Variants in PPP4R3B observed in about 807,000 individuals in gnomAD.
PPP4R3B encodes the protein serine/threonine-protein phosphatase 4 regulatory subunit 3B.
A neutral mutation model predicts 95.4 loss-of-function variants in PPP4R3B; 52 were observed. The ratio of observed to expected loss-of-function variants is 0.54; its 90% confidence interval spans 0.44 to 0.69. The LOEUF is 0.69. Among genes scored for constraint, PPP4R3B ranks in the 30% least tolerant of loss-of-function variants. The pLI, the probability that PPP4R3B is intolerant of heterozygous loss-of-function variation, is 0.00. For synonymous variants in PPP4R3B, 407 were observed against 343.9 expected (o/e 1.18, Z -2.03); for missense variants, 1,003 against 1,005.9 (o/e 1.00, Z 0.04).
At chr2:55,607,857 A>G (rs1693635683) in intron 2 of PPP4R3B, among the ~76,000 whole-genome samples, 1 of 152,236 alleles carries the variant, frequency 6.6e-6, no homozygotes, top group Non-Finnish European at 1.5e-5. Context: ...TAACAGAATG[A>G]AATCCAAAAC....
At chr2:55,585,445 T>A (rs1690012576) in intron 6 of PPP4R3B, among the ~76,000 whole-genome samples, 1 of 152,184 alleles carries the variant, frequency 6.6e-6, no homozygotes, top group South Asian at 2.1e-4. Context: ...TATAAGGCAA[T>A]ACCTTACAAA....
intron 16 of PPP4R3B, among the ~76,000 whole-genome samples, chr2:55,552,323 A>T (rs1428140246): frequency 1.9e-5 from 1 of 52,720 alleles, no homozygotes; most frequent in Admixed American, 2.8e-4. Flanking sequence ...AATCATGTTC[A>T]TATAAAAAAA....
intron 4 of PPP4R3B, among the ~76,000 whole-genome samples, chr2:55,595,191 T>A (rs1162605610): frequency 1.3e-5 from 2 of 151,970 alleles, no homozygotes; most frequent in African/African-American, 4.8e-5. Flanking sequence ...GCCTGGCTAA[T>A]TTTTGTATTT....
chr2:55,613,303 C>T (rs1203008560), intron 2 of PPP4R3B, among the ~76,000 whole-genome samples: 2 of 150,858 alleles, frequency 1.3e-5, no homozygotes, highest in Admixed American at 6.6e-5. Context: ...TCAGTGTTTC[C>T]ATATTCTTCT....
rs1370203148 is a variant in PPP4R3B, at chr2:55,614,831, A to T, written c.198+620T>A. 3 of 152,234 alleles carry T rather than the reference A, an allele frequency of 2.0e-5. No homozygotes were observed. The South Asian group carries it at 6.2e-4, about 31-fold the overall frequency. 9.4% of individuals were successfully genotyped at this position (152,234 alleles called of 1,614,324 possible). ...TATATTTCATAATAAAAACAAAAAC[A>T]TTCACAGAATAAAAAAGATTGAATC... On this transcript the variant is annotated intron_variant, in intron 2 of 16. Transcript: ENST00000616407.
intron 12 of PPP4R3B, among the ~76,000 whole-genome samples, chr2:55,571,938 T>C (rs1232337334): frequency 6.6e-6 from 1 of 152,230 alleles, no homozygotes; most frequent in Non-Finnish European, 1.5e-5. Context: ...TACTTTTACA[T>C]TTGGTGAAAT....
chr2:55,579,561 T>A, intron 9 of PPP4R3B, 118 bp downstream of exon 9: 7 of 554,328 alleles, frequency 1.3e-5, no homozygotes, highest in Non-Finnish European at 2.0e-5. Flanking sequence ...GCAGTTTAAG[T>A]TTTTCAGTCG....
intron 2 of PPP4R3B, among the ~76,000 whole-genome samples, chr2:55,604,865 G>A (rs1348544479): frequency 6.6e-6 from 1 of 151,934 alleles, no homozygotes; most frequent in Non-Finnish European, 1.5e-5. Flanking sequence ...CCTTGAGACA[G>A]GGTCTTGCTC....
At chr2:55,597,600 C>T (rs1000356777) in intron 4 of PPP4R3B, among the ~76,000 whole-genome samples, 1 of 149,996 alleles carries the variant, frequency 6.7e-6, no homozygotes, top group South Asian at 2.1e-4. Context: ...TCAGCCTGGG[C>T]GACCGAGCAA....
intron 4 of PPP4R3B, among the ~76,000 whole-genome samples, chr2:55,592,024 T>C (rs1201393520): frequency 1.3e-5 from 2 of 152,194 alleles, no homozygotes; most frequent in Non-Finnish European, 2.9e-5. Context: ...GCTGCTTTTC[T>C]GGACAACATA....
At chr2:55,564,833 A>C in intron 14 of PPP4R3B, 69 bp downstream of exon 14, 1 of 1,558,398 alleles carries the variant, frequency 6.4e-7, no homozygotes, top group Admixed American at 2.0e-5. Flanking sequence ...TTTCACATGG[A>C]AAATCTGAAC....
At chr2:55,593,087 G>T (rs1404773295) in intron 4 of PPP4R3B, among the ~76,000 whole-genome samples, 2 of 152,182 alleles carry the variant, frequency 1.3e-5, no homozygotes, top group African/African-American at 4.8e-5. Flanking sequence ...TAACCTGGGA[G>T]GCAGAGGCTG....
At chr2:55,606,642 T>C (rs1479407639) in intron 2 of PPP4R3B, among the ~76,000 whole-genome samples, 4 of 151,810 alleles carry the variant, frequency 2.6e-5, no homozygotes, top group Non-Finnish European at 5.9e-5. Flanking sequence ...GCCAACATGG[T>C]TGAAACCCCA....
chr2:55,601,638 C>A (rs1692629521), intron 3 of PPP4R3B, among the ~76,000 whole-genome samples: 1 of 152,124 alleles, frequency 6.6e-6, no homozygotes, highest in Non-Finnish European at 1.5e-5. Context: ...CCTCGGCCTC[C>A]CAAAGTGCTG....
intron 16 of PPP4R3B, among the ~76,000 whole-genome samples, chr2:55,557,798 C>G (rs1265248460): frequency 6.6e-6 from 1 of 151,850 alleles, no homozygotes; most frequent in Non-Finnish European, 1.5e-5. Context: ...TTATTTTAAG[C>G]CACTCCTTTT....
intron 4 of PPP4R3B, among the ~76,000 whole-genome samples, chr2:55,598,181 CT>C (rs1163718526): frequency 6.6e-6 from 1 of 152,156 alleles, no homozygotes; most frequent in Non-Finnish European, 1.5e-5. Context: ...GATTGCGCCA[CT>C]GCATTCCAGC....
At chr2:55,568,503 C>G (rs1687585696) in intron 12 of PPP4R3B, 140 bp from the exon 13 acceptor site, 1 of 613,330 alleles carries the variant, frequency 1.6e-6, no homozygotes, top group Non-Finnish European at 2.4e-6. Context: ...AAGTAAACTC[C>G]TCTAAAATGA....
intron 3 of PPP4R3B, 91 bp downstream of exon 3, chr2:55,603,887 C>T (rs1693015982): frequency 1.3e-5 from 10 of 796,178 alleles, no homozygotes; most frequent in South Asian, 8.8e-5. Context: ...GACACTATCT[C>T]GCCACATCCT....
Position 55,611,666 on chromosome 2 carries a change from T to C in PPP4R3B, c.198+3785A>G, listed in dbSNP as rs556616008. The stretch of plus-strand genomic sequence containing the variant: ...GATGTATCTTGAGCACACAATTTAG[T>C]AGTTGGCTCATTTTAAAACTATAAT... On this transcript the variant is annotated intron_variant, in intron 2 of 16. Coordinates refer to ENST00000616407, the MANE Select transcript of PPP4R3B (RefSeq NM_001122964.3). 6.6e-5 allele frequency among the ~76,000 whole-genome samples: 10 copies of C among 152,346 alleles called. No homozygotes were observed. The South Asian group carries it at 2.1e-3, about 32-fold the overall frequency.
Sources: allele counts gnomAD v4.1 joint callset (sites outside exome capture counted in the v4.1 genomes callset), GRCh38; gene constraint gnomAD v4.1.1; transcripts MANE v1.5; gene names NCBI Gene and HGNC (gene_info 2026-07-23, HGNC 2026-07-21).